Variants in ZFYVE1 observed in about 807,000 individuals in gnomAD.
ZFYVE1 encodes zinc finger FYVE domain-containing protein 1.
Under a neutral mutation model 74.4 loss-of-function variants are expected in ZFYVE1, and 30 were observed. That is an observed-to-expected ratio of 0.40 (90% CI 0.30 to 0.55). The LOEUF (loss-of-function observed/expected upper bound fraction) is 0.55, where lower values mean the gene tolerates loss of function less well. Among genes scored for constraint, ZFYVE1 ranks in the 20% least tolerant of loss-of-function variants. The pLI, the probability that ZFYVE1 is intolerant of heterozygous loss-of-function variation, is 0.42. For synonymous variants in ZFYVE1, 335 were observed against 385.1 expected (o/e 0.87, Z 1.52); for missense variants, 703 against 1,011.6 (o/e 0.69, Z 4.14).
At position 72,978,877 on chromosome 14, in the gene ZFYVE1, C is replaced by G. The variant is rs143773668; in HGVS notation, c.1403G>C (p.Arg468Pro). The part of the protein sequence containing the change: ...RCRYSHQYDN[R>P]VYTCKACYER... ...AGGACTCACCTTGCAGGTATACACTCGGTTGTCATACTGGTGGGAGTATCT... is the reference window on the plus strand; with the variant it reads ...AGGACTCACCTTGCAGGTATACACTGGGTTGTCATACTGGTGGGAGTATCT... The change falls in exon 6 of 12, where the codon CGA (arginine) becomes CCA (proline). Residue 468 changes from arginine to proline, a missense_variant. By Grantham distance (103) the Arg-to-Pro change is moderately radical. This residue lies in a region of ZFYVE1 where 492 missense variants were observed against 790.0 expected (regional missense o/e 0.62). Coordinates refer to ENST00000556143, the MANE Select transcript of ZFYVE1 (RefSeq NM_021260.4). 1 of 1,614,126 alleles carries G rather than the reference C, an allele frequency of 6.2e-7. No homozygotes were observed. Among genetic ancestry groups the G allele is most frequent in the Admixed American group, 1.7e-5 (1 of 60,020 alleles).
intron 11 of ZFYVE1, among the ~76,000 whole-genome samples, chr14:72,972,396 T>G (rs1427243325): frequency 6.6e-6 from 1 of 152,156 alleles, no homozygotes; most frequent in African/African-American, 2.4e-5. Context: ...TGCTCTGCCT[T>G]CTGTGCCAAG....
At chr14:72,978,823 G>T (rs745868883) in intron 6 of ZFYVE1, 38 bp downstream of exon 6, 3 of 1,560,388 alleles carry the variant, frequency 1.9e-6, no homozygotes, top group East Asian at 4.5e-5. Context: ...TGGTCAGCAA[G>T]CCCGCTGCTG....
intron 4 of ZFYVE1, among the ~76,000 whole-genome samples, chr14:72,988,554 C>T (rs1177648100): frequency 6.6e-6 from 1 of 151,608 alleles, no homozygotes; most frequent in Non-Finnish European, 1.5e-5. Flanking sequence ...CACCTGTAAT[C>T]CCAACATTTT....
intron 2 of ZFYVE1, among the ~76,000 whole-genome samples, chr14:73,017,933 T>C (rs1420782814): frequency 6.6e-6 from 1 of 152,164 alleles, no homozygotes; most frequent in African/African-American, 2.4e-5. Flanking sequence ...ATCCACTTAC[T>C]TCTACAGCCT....
At chr14:72,994,690 A>C (rs992388241) in intron 3 of ZFYVE1, among the ~76,000 whole-genome samples, 1 of 152,218 alleles carries the variant, frequency 6.6e-6, no homozygotes, top group Non-Finnish European at 1.5e-5. Context: ...GAAAGTAACC[A>C]CAGCTCAATA....
chr14:72,995,828 T>G (rs931130787), intron 3 of ZFYVE1, among the ~76,000 whole-genome samples: 1 of 152,214 alleles, frequency 6.6e-6, no homozygotes, highest in Non-Finnish European at 1.5e-5. Context: ...TGGCCTACTC[T>G]GTGCACTTCC....
chr14:72,994,746 T>C (rs1949052569), intron 3 of ZFYVE1, among the ~76,000 whole-genome samples: 1 of 152,226 alleles, frequency 6.6e-6, no homozygotes, highest in African/African-American at 2.4e-5. Flanking sequence ...AACATATATA[T>C]GCAACTTGCT....
rs905589524 is a variant in ZFYVE1 at position 73,027,025 on chromosome 14, C to T, written c.-534G>A. 2.5e-6 allele frequency: 1 copy of T among 399,102 alleles called. No individual in the cohort carries two copies. Among genetic ancestry groups the T allele is most frequent in the Non-Finnish European group, 4.4e-6 (1 of 226,462 alleles). 24.7% of individuals were successfully genotyped at this position (399,102 alleles called of 1,614,324 possible). A position where few individuals can be genotyped will look rare whatever the true frequency, so the allele number is the denominator to read the frequency against. On this transcript the variant is annotated 5_prime_UTR_variant, in exon 1 of 12. Coordinates refer to ENST00000556143, the MANE Select transcript of ZFYVE1 (RefSeq NM_021260.4). ...AGGACACCGGCAGATCCATCCTCAT[C>T]TCCATCTCCGCCACCCTCCTCCTTC...
At chr14:72,976,620 TA>T (rs1940259428) in intron 8 of ZFYVE1, among the ~76,000 whole-genome samples, 1 of 151,714 alleles carries the variant, frequency 6.6e-6, no homozygotes, top group South Asian at 2.1e-4. Context: ...CTGTCTCTAC[TA>T]AAAATACAAA....
At chr14:72,976,933 G>A (rs1057343371) in intron 8 of ZFYVE1, among the ~76,000 whole-genome samples, 3 of 152,182 alleles carry the variant, frequency 2.0e-5, no homozygotes, top group Non-Finnish European at 2.9e-5. Context: ...ATGACACAGA[G>A]TAAAATAAGT....
intron 11 of ZFYVE1, 38 bp from the exon 12 acceptor site, chr14:72,971,152 A>C: frequency 6.2e-7 from 1 of 1,609,366 alleles, no homozygotes; most frequent in Non-Finnish European, 8.5e-7. Flanking sequence ...CCCAAAGCCC[A>C]ATACCCCGAG....
chr14:72,981,044 G>A (rs895334544), intron 5 of ZFYVE1, among the ~76,000 whole-genome samples: 5 of 152,204 alleles, frequency 3.3e-5, no homozygotes, highest in Middle Eastern at 3.4e-3. Context: ...GCCATTGCCC[G>A]GGAGCTTGAC....
rs759844520 is a variant in ZFYVE1 at position 72,974,168 on chromosome 14, A to T, written c.2013T>A (p.Asp671Glu). ...QLAVTEAQVD[D>E]EGGTLIARKV... Reference sequence around the variant, plus strand: ...TCCGAGCAATGAGCGTTCCACCTTCATCGTCCACTTGTGCCTCGGTAACAG... The same window carrying T: ...TCCGAGCAATGAGCGTTCCACCTTCTTCGTCCACTTGTGCCTCGGTAACAG... Residue 671 changes from aspartate to glutamate, a missense_variant, in exon 11 of 12, where the codon GAT (aspartate) becomes GAA (glutamate). Physicochemically the swap from Asp to Glu is conservative, Grantham distance 45 (BLOSUM62 2). Around this residue, in one of 2 missense-constraint regions of ZFYVE1, gnomAD observed 492 missense variants for 790.0 expected, o/e 0.62. Transcript: ENST00000556143. 2 of 1,614,120 alleles carry T rather than the reference A, an allele frequency of 1.2e-6. No homozygotes were observed. Among genetic ancestry groups the T allele is most frequent in the South Asian group, 2.2e-5 (2 of 91,072 alleles).
intron 4 of ZFYVE1, 44 bp downstream of exon 4, chr14:72,993,099 A>G: frequency 6.6e-7 from 1 of 1,524,704 alleles, no homozygotes; most frequent in Non-Finnish European, 8.8e-7. Context: ...CTCACCACCC[A>G]CTGGCACCCC....
In ZFYVE1 at chr14:72,988,806, C is replaced by CAAAAAA. The variant is rs1425078012; in HGVS notation, c.1203+4331_1203+4336dup. Among the ~76,000 whole-genome samples, 7 of 80,024 alleles carry CAAAAAA rather than the reference C, an allele frequency of 8.7e-5. No individual in the cohort carries two copies. The Admixed American group carries it at 9.5e-4, about 11-fold the overall frequency. The allele number at this position is 80,024 out of a possible 152,430, so 52.5% of individuals were successfully genotyped here. A position where few individuals can be genotyped will look rare whatever the true frequency, so the allele number is the denominator to read the frequency against. On this transcript the variant is annotated intron_variant, in intron 4 of 11. Coordinates refer to ENST00000556143, the MANE Select transcript of ZFYVE1 (RefSeq NM_021260.4). ...TGAGTGACAGAGCAAGACTCTGTCTCAAAAAAAAAAAAAAAAAGTGAAAAT... is the reference window on the plus strand; with the variant it reads ...TGAGTGACAGAGCAAGACTCTGTCTCAAAAAAAAAAAAAAAAAAAAAAAGTGAAAAT...
chr14:72,979,557 G>A (rs1449612661), intron 5 of ZFYVE1, among the ~76,000 whole-genome samples: 1 of 151,982 alleles, frequency 6.6e-6, no homozygotes, highest in Non-Finnish European at 1.5e-5. Context: ...AGGAGGCTGA[G>A]GCAGGAGAAT....
At position 73,024,078 on chromosome 14, in the gene ZFYVE1, ATCT is replaced by A. The variant is rs761346799; in HGVS notation, c.428_430del (p.Lys143del). On this transcript the variant is annotated inframe_deletion, in exon 2 of 12. Transcript: ENST00000556143. The stretch of plus-strand genomic sequence containing the variant: ...GAGGAAACTCACAACCTTCTCAGTC[ATCT>A]TCTTCCTCTTGGTCTCCTCATCCAT... 5.0e-6 allele frequency: 8 copies of A among 1,614,128 alleles called. No homozygotes were observed. In the South Asian group the frequency reaches 8.8e-5, roughly 18 times the overall value.
chr14:72,990,500 A>T (rs1370749204), intron 4 of ZFYVE1, among the ~76,000 whole-genome samples: 1 of 151,130 alleles, frequency 6.6e-6, no homozygotes, highest in Non-Finnish European at 1.5e-5. Context: ...AAATTCAAGC[A>T]ATTCTCCTGC....
At chr14:73,004,761 G>T (rs1178864736) in intron 2 of ZFYVE1, among the ~76,000 whole-genome samples, 1 of 152,106 alleles carries the variant, frequency 6.6e-6, no homozygotes, top group Admixed American at 6.6e-5. Flanking sequence ...ACTGTGGGAG[G>T]CCAAAGCAGA....
Sources: allele counts gnomAD v4.1 joint callset (sites outside exome capture counted in the v4.1 genomes callset), GRCh38; gene constraint gnomAD v4.1.1; regional missense constraint gnomAD v4.1.1; transcripts MANE v1.5; gene names NCBI Gene and HGNC (gene_info 2026-07-23, HGNC 2026-07-21).